The following UBA2 variants were observed in gnomAD, a reference collection of about 807,000 sequenced individuals.
UBA2 encodes the protein SUMO-activating enzyme subunit 2.
Under a neutral mutation model 77.2 loss-of-function variants are expected in UBA2, and 11 were observed. The observed-to-expected ratio is 0.14, with a 90% confidence interval of 0.09 to 0.24. The LOEUF is 0.24. UBA2 is among the 10% of genes least tolerant of loss of function. The probability of loss-of-function intolerance (pLI) is 1.00; values close to 1 mark genes in which losing one functional copy is unlikely to be tolerated. For missense variants in UBA2, 487 were observed against 781.7 expected (o/e 0.62, Z 4.50); for synonymous variants, 278 against 276.7 (o/e 1.00, Z -0.05).
chr19:34,439,822 T>C (rs565211145), intron 6 of UBA2, among the ~76,000 whole-genome samples: 4 of 147,960 alleles, frequency 2.7e-5, no homozygotes, highest in Admixed American at 2.0e-4. Flanking sequence ...TGTCTTAAAA[T>C]GAAGAAAGAA....
intron 5 of UBA2, among the ~76,000 whole-genome samples, chr19:34,435,939 G>A (rs1382171453): frequency 6.6e-6 from 1 of 151,898 alleles, no homozygotes; most frequent in African/African-American, 2.4e-5. Context: ...TGTCCAACAT[G>A]GTGAAACCCT....
Position 34,450,261 on chromosome 19 carries a change from T to A in UBA2, c.772-4T>A, listed in dbSNP as rs1454094077. ...GTTCATGGGATCTGTCTTTCTTTTGTAAGCTTTTTAAAGATGACATCAGGT... is the reference window on the plus strand; with the variant it reads ...GTTCATGGGATCTGTCTTTCTTTTGAAAGCTTTTTAAAGATGACATCAGGT... On this transcript the variant is annotated splice_region_variant and splice_polypyrimidine_tract_variant and intron_variant, in intron 8 of 16. Coordinates refer to ENST00000246548, the MANE Select transcript of UBA2 (RefSeq NM_005499.3). 1 of 1,603,470 alleles carries A rather than the reference T, an allele frequency of 6.2e-7. No homozygotes were observed. Among genetic ancestry groups the A allele is most frequent in the South Asian group, 1.1e-5 (1 of 89,128 alleles).
At chr19:34,464,232 C>G (rs2075663484) in intron 15 of UBA2, 101 bp downstream of exon 15, 1 of 775,826 alleles carries the variant, frequency 1.3e-6, no homozygotes. Flanking sequence ...CCCTGCTGTT[C>G]ATTTGAAACT....
At chr19:34,450,055 C>T (rs1319446901) in intron 8 of UBA2, among the ~76,000 whole-genome samples, 1 of 152,170 alleles carries the variant, frequency 6.6e-6, no homozygotes, top group Non-Finnish European at 1.5e-5. Flanking sequence ...TTCCTCAGAG[C>T]ACTTCTGCAT....
intron 14 of UBA2, among the ~76,000 whole-genome samples, 176 bp downstream of exon 14, chr19:34,460,742 G>A (rs1421236787): frequency 6.6e-6 from 1 of 152,102 alleles, no homozygotes; most frequent in Non-Finnish European, 1.5e-5. Context: ...CCATGTTTGG[G>A]AACTCCATGT....
chr19:34,433,552 C>A, intron 4 of UBA2, 140 bp downstream of exon 4: 1 of 637,880 alleles, frequency 1.6e-6, no homozygotes, highest in Non-Finnish European at 2.7e-6. Context: ...TAAAGCATGC[C>A]CATTGATTGC....
At chr19:34,431,133 T>C (rs2075248608) in intron 2 of UBA2, among the ~76,000 whole-genome samples, 1 of 152,106 alleles carries the variant, frequency 6.6e-6, no homozygotes, top group Non-Finnish European at 1.5e-5. Flanking sequence ...TCTTTTTCTT[T>C]CATATTTTGG....
In UBA2 at chr19:34,442,365, T is replaced by C. The variant is rs962167697; in HGVS notation, c.582-1479T>C. Reference sequence around the variant, plus strand: ...TGGAAAATTAAGTATAAGACCATAGTAAGCTACAGATGCTTCTCAGATACT... The same window carrying C: ...TGGAAAATTAAGTATAAGACCATAGCAAGCTACAGATGCTTCTCAGATACT... On this transcript the variant is annotated intron_variant, in intron 6 of 16. Coordinates refer to ENST00000246548, the MANE Select transcript of UBA2 (RefSeq NM_005499.3). Among the ~76,000 whole-genome samples the C allele has an allele frequency of 6.6e-5, 10 of 152,366 alleles. 1 individual carries two copies. The highest frequency in any genetic ancestry group is 3.3e-4 in the Admixed American group (5 of 15,298).
intron 1 of UBA2, chr19:34,428,810 C>T (rs902977059): frequency 7.0e-5 from 81 of 1,155,740 alleles, no homozygotes; most frequent in Non-Finnish European, 8.0e-5. Context: ...CCGCGGGCCC[C>T]CGCCTCCCCG....
At chr19:34,435,308 G>A (rs1387087611) in intron 5 of UBA2, among the ~76,000 whole-genome samples, 3 of 151,982 alleles carry the variant, frequency 2.0e-5, no homozygotes, top group Non-Finnish European at 2.9e-5. Context: ...TGAGCCAGGC[G>A]AATCACTTGA....
intron 5 of UBA2, among the ~76,000 whole-genome samples, chr19:34,436,312 T>G (rs1012293949): frequency 2.0e-5 from 3 of 150,500 alleles, no homozygotes; most frequent in Non-Finnish European, 4.4e-5. Context: ...TTTGTTTATT[T>G]TTTTGAGACA....
intron 15 of UBA2, 72 bp downstream of exon 15, chr19:34,464,203 G>A (rs1273522132): frequency 9.2e-7 from 1 of 1,082,364 alleles, no homozygotes; most frequent in African/African-American, 1.6e-5. Flanking sequence ...TGAAGGAAAA[G>A]TGTTTTCTTA....
chr19:34,455,999 A>G (rs2075554946), intron 12 of UBA2, among the ~76,000 whole-genome samples: 2 of 148,230 alleles, frequency 1.3e-5, no homozygotes, highest in Admixed American at 6.7e-5. Flanking sequence ...TTGGTCCTGA[A>G]CTCCTGGGCT....
chr19:34,466,126 G>C (rs370760032), intron 15 of UBA2, among the ~76,000 whole-genome samples: 9 of 151,726 alleles, frequency 5.9e-5, no homozygotes, highest in East Asian at 3.9e-4. Context: ...ACAGGCTCAG[G>C]GGTTCAAAAC....
intron 15 of UBA2, 57 bp downstream of exon 15, chr19:34,464,188 C>T (rs1205149792): frequency 2.5e-6 from 3 of 1,191,598 alleles, no homozygotes; most frequent in Non-Finnish European, 2.5e-6. Context: ...AAACTTTAGA[C>T]AAAATGAAGG....
intron 14 of UBA2, among the ~76,000 whole-genome samples, chr19:34,463,338 G>A (rs898150923): frequency 3.3e-5 from 5 of 152,144 alleles, no homozygotes; most frequent in African/African-American, 7.2e-5. Context: ...AATTCCCAGC[G>A]TTTTAATGTT....
chr19:34,442,238 C>CA (rs746213499), intron 6 of UBA2, among the ~76,000 whole-genome samples: 1 of 151,978 alleles, frequency 6.6e-6, no homozygotes, highest in East Asian at 1.9e-4. Flanking sequence ...GTCACACACA[C>CA]AAAAAAGATA....
rs1397257681 is a variant in UBA2 at position 34,454,644 on chromosome 19, A to G, written c.1245+88A>G. ...ATTAAACAGATAATTTTTAAAATGA[A>G]AACAATAAAATTGGTTTAAAGCAAT... On this transcript the variant is annotated intron_variant, in intron 12 of 16. Transcript: ENST00000246548. 3 of 677,792 alleles carry G rather than the reference A, an allele frequency of 4.4e-6. No individual in the cohort carries two copies. The African/African-American group carries it at 5.6e-5, about 13-fold the overall frequency. The allele number at this position is 677,792 out of a possible 1,614,324, so 42.0% of individuals were successfully genotyped here.
chr19:34,436,807 CTTTG>C (rs2075313978), intron 5 of UBA2, among the ~76,000 whole-genome samples: 1 of 151,962 alleles, frequency 6.6e-6, no homozygotes, highest in Non-Finnish European at 1.5e-5. Context: ...GAAATTGTGT[CTTTG>C]TTTCTTTTAA....
Sources: allele counts gnomAD v4.1 joint callset (sites outside exome capture counted in the v4.1 genomes callset), GRCh38; gene constraint gnomAD v4.1.1; transcripts MANE v1.5; gene names NCBI Gene and HGNC (gene_info 2026-07-23, HGNC 2026-07-21).